Variants in GPR155 observed in about 807,000 individuals in gnomAD.
GPR155 encodes G protein-coupled receptor 155, also known as lysosomal cholesterol signaling protein.
A neutral mutation model predicts 93.1 loss-of-function variants in GPR155; 65 were observed. The ratio of observed to expected loss-of-function variants is 0.70; its 90% CI spans 0.57 to 0.86. GPR155 has a LOEUF of 0.86. Among genes scored for constraint, GPR155 ranks in the 40% least tolerant of loss-of-function variants. The pLI is 0.00. For missense variants in GPR155, 838 were observed against 1,034.8 expected (o/e 0.81, Z 2.61); for synonymous variants, 319 against 360.1 (o/e 0.89, Z 1.29).
chr2:174,470,628 G>T, intron 3 of GPR155, 73 bp from the exon 4 acceptor site: 1 of 1,395,616 alleles, frequency 7.2e-7, no homozygotes, highest in African/African-American at 1.4e-5. Flanking sequence ...CTGCTCTGGT[G>T]AATTTGGCAT....
chr2:174,443,384 G>T (rs899901503), intron 13 of GPR155, among the ~76,000 whole-genome samples: 19 of 152,138 alleles, frequency 1.2e-4, no homozygotes, highest in African/African-American at 2.2e-4. Context: ...AATGTGTGGG[G>T]TTTTTTGTTT....
chr2:174,451,563 A>C (rs1687322281), intron 11 of GPR155, among the ~76,000 whole-genome samples: 1 of 152,180 alleles, frequency 6.6e-6, no homozygotes, highest in Non-Finnish European at 1.5e-5. Flanking sequence ...GATTAGATGA[A>C]GTCCCTATAT....
chr2:174,437,441 C>A (rs1182324333), intron 15 of GPR155, among the ~76,000 whole-genome samples: 1 of 152,156 alleles, frequency 6.6e-6, no homozygotes, highest in Non-Finnish European at 1.5e-5. Context: ...ATTTTAACAT[C>A]AGTATTTCAT....
chr2:174,473,138 G>T lies in GPR155; in HGVS notation c.687C>A (p.Phe229Leu). ...GTACCTTTCGATCAAGAATAAAATTGAAGGCGATGCCAATGAAGACCATAA... is the reference window on the plus strand; with the variant it reads ...GTACCTTTCGATCAAGAATAAAATTTAAGGCGATGCCAATGAAGACCATAA... ...IVFMVFIGIA[F>L]NFILDRKVPV... is the part of the protein sequence containing the mutation. The change falls in exon 3 of 16, where the codon TTC becomes TTA. Residue 229 changes from phenylalanine (F) to leucine (L), a missense_variant. Physicochemically the swap from Phe to Leu is conservative, Grantham distance 22. Transcript: ENST00000392552. 2 of 1,611,194 alleles carry T rather than the reference G, an allele frequency of 1.2e-6. No homozygotes were observed. The highest frequency in any genetic ancestry group is 1.7e-6 in the Non-Finnish European group (2 of 1,179,366).
chr2:174,479,108 A>G (rs1417986063), intron 2 of GPR155, among the ~76,000 whole-genome samples: 1 of 152,218 alleles, frequency 6.6e-6, no homozygotes, highest in East Asian at 1.9e-4. Context: ...AAATCAACAA[A>G]CAACCATCAG....
At chr2:174,448,994 C>A (rs929867830) in intron 11 of GPR155, among the ~76,000 whole-genome samples, 1 of 152,120 alleles carries the variant, frequency 6.6e-6, no homozygotes, top group Non-Finnish European at 1.5e-5. Context: ...ATGCATCTAA[C>A]AAGGCCTAAT....
Position 174,459,890 on chromosome 2 carries a change from T to C in GPR155, c.1759A>G (p.Ile587Val), listed in dbSNP as rs753770598. Residue 587 changes from isoleucine (I) to valine (V), a missense_variant, in exon 10 of 16, where the codon ATT becomes GTT. Physicochemically the swap from Ile to Val is conservative, Grantham distance 29. Coordinates refer to ENST00000392552, the MANE Select transcript of GPR155 (RefSeq NM_152529.7). ...VNEPELFTSSIPETSCCSCSM... is the reference protein window; with the variant it reads ...VNEPELFTSSVPETSCCSCSM... ...AAAAAGATCATACTTGTTTCTGGAA[T>C]AGAGCTTGTAAAAAGTTCTGGTTCA... The C allele has an allele frequency of 3.7e-6, 6 of 1,605,060 alleles. No homozygotes were observed. In the South Asian group the frequency reaches 6.6e-5, roughly 18 times the overall value.
intron 5 of GPR155, among the ~76,000 whole-genome samples, chr2:174,468,017 T>C (rs954293418): frequency 6.6e-6 from 1 of 152,240 alleles, no homozygotes; most frequent in Non-Finnish European, 1.5e-5. Context: ...ATTACAGGCA[T>C]GAGCCACGGT....
chr2:174,454,783 GGGAA>G (rs869266826), intron 10 of GPR155, among the ~76,000 whole-genome samples: 443 of 24,478 alleles, frequency 0.018, no homozygotes, highest in African/African-American at 0.042. Flanking sequence ...AGGAAGGAAA[GGGAA>G]GGAAAGGGAA....
At chr2:174,469,849 G>A (rs1413981546) in intron 4 of GPR155, among the ~76,000 whole-genome samples, 1 of 152,160 alleles carries the variant, frequency 6.6e-6, no homozygotes, top group Non-Finnish European at 1.5e-5. Flanking sequence ...CTTATAATGA[G>A]ATAGCTTATA....
intron 12 of GPR155, among the ~76,000 whole-genome samples, chr2:174,446,161 G>A (rs948016047): frequency 1.3e-5 from 2 of 151,944 alleles, no homozygotes; most frequent in African/African-American, 4.8e-5. Context: ...ACAAAAATTA[G>A]CCAGGCATGG....
intron 11 of GPR155, among the ~76,000 whole-genome samples, chr2:174,451,147 T>G (rs893069002): frequency 6.6e-6 from 1 of 151,774 alleles, no homozygotes; most frequent in Non-Finnish European, 1.5e-5. Context: ...CCGTCTCTAC[T>G]AAAAATACAA....
At chr2:174,467,667 G>T (rs1687878610) in intron 5 of GPR155, among the ~76,000 whole-genome samples, 1 of 152,014 alleles carries the variant, frequency 6.6e-6, no homozygotes, top group African/African-American at 2.4e-5. Context: ...TGTCTCATGG[G>T]GTATCTAAAT....
In GPR155 at chr2:174,453,372, A is replaced by T. The variant is rs563487394; in HGVS notation, c.1876+365T>A. ...TTCTTTTGAGGGATAAGAATAAGGA[A>T]TCTTCTGGCCGGGTGTGGTAGCTCA... On this transcript the variant is annotated intron_variant, in intron 11 of 15. Coordinates refer to ENST00000392552, the MANE Select transcript of GPR155 (RefSeq NM_152529.7). 7.9e-5 allele frequency among the ~76,000 whole-genome samples: 12 copies of T among 152,254 alleles called. No homozygotes were observed. In the East Asian group the frequency reaches 1.9e-3, roughly 24 times the overall value.
chr2:174,459,685 A>G (rs989804500), intron 10 of GPR155, among the ~76,000 whole-genome samples, 193 bp downstream of exon 10: 1 of 152,152 alleles, frequency 6.6e-6, no homozygotes. Context: ...TCTCTACTAA[A>G]AATACAAAAA....
intron 5 of GPR155, among the ~76,000 whole-genome samples, chr2:174,467,023 G>A (rs1385764341): frequency 1.3e-5 from 2 of 151,898 alleles, no homozygotes; most frequent in African/African-American, 4.8e-5. Context: ...TGGGCACAGT[G>A]GCGGGCGCCT....
In GPR155 at chr2:174,440,020, C is replaced by T; in HGVS notation, c.2190G>A (p.Trp730Ter). The part of the protein sequence containing the change: ...LPFKRRLEFL[W>*]NNKDTAENRD... ...TGTTTTCTGCTGTGTCTTTATTGTT[C>T]CATAGGAATTCAAGTCTGAAAATCA... Residue 730 changes from tryptophan (W) to a stop codon, truncating the protein, a stop_gained, in exon 15 of 16, where the codon TGG becomes TGA. Transcript: ENST00000392552. LOFTEE classifies it high-confidence loss of function. The T allele has an allele frequency of 6.2e-7, 1 of 1,607,226 alleles. No individual in the cohort carries two copies. Among genetic ancestry groups the T allele is most frequent in the Non-Finnish European group, 8.5e-7 (1 of 1,177,596 alleles).
chr2:174,465,390 A>C (rs1373498081), intron 7 of GPR155, among the ~76,000 whole-genome samples: 2 of 152,226 alleles, frequency 1.3e-5, no homozygotes, highest in Admixed American at 6.5e-5. Context: ...AGTAATTTGC[A>C]TGAGGCAGAG....
intron 2 of GPR155, 33 bp from the exon 3 acceptor site, chr2:174,473,397 G>A (rs73975134): frequency 7.3e-7 from 1 of 1,368,826 alleles, no homozygotes; most frequent in Non-Finnish European, 1.0e-6. Flanking sequence ...TTTAAATGAT[G>A]ACCACAGAAA....
Sources: gnomAD v4.1 joint callset for allele counts (sites outside exome capture counted in the v4.1 genomes callset) on GRCh38, gnomAD v4.1.1 for gene constraint, MANE v1.5 for transcripts, NCBI Gene and HGNC (gene_info 2026-07-23, HGNC 2026-07-21) for gene names.